MERTK: variants seen among roughly 807,000 people sequenced by gnomAD.
The protein encoded by MERTK is tyrosine-protein kinase Mer.
In MERTK, 69 loss-of-function variants were observed where a neutral mutation model predicts 99.3. The ratio of observed to expected loss-of-function variants is 0.70; its 90% CI spans 0.57 to 0.85. MERTK has a LOEUF of 0.85. MERTK is among the 40% of genes least tolerant of loss of function. The probability of loss-of-function intolerance (pLI) is 0.00; values close to 1 mark genes in which losing one functional copy is unlikely to be tolerated. For synonymous variants in MERTK, 426 were observed against 467.6 expected, an observed-to-expected ratio of 0.91 and a Z score of 1.15; for missense variants, 1,125 against 1,249.4, an observed-to-expected ratio of 0.90 and a Z score of 1.50.
At position 111,898,648 on chromosome 2, in the gene MERTK, G is replaced by A. The variant is rs903740944; in HGVS notation, c.-88G>A. ...CCGGGCCGCCCGGACAGGGAGCTTCGCTGGCGCGCTTGGCCGGCGACAGGA... is the reference window on the plus strand; with the variant it reads ...CCGGGCCGCCCGGACAGGGAGCTTCACTGGCGCGCTTGGCCGGCGACAGGA... On this transcript the variant is annotated 5_prime_UTR_variant, in exon 1 of 19. Coordinates refer to ENST00000295408, the MANE Select transcript of MERTK (RefSeq NM_006343.3). 4.7e-6 allele frequency: 7 copies of A among 1,501,780 alleles called. No homozygotes were observed. Among genetic ancestry groups the A allele is most frequent in the Non-Finnish European group, 6.4e-6 (7 of 1,101,920 alleles). 93.0% of individuals were successfully genotyped at this position (1,501,780 alleles called of 1,614,324 possible). A position where few individuals can be genotyped will look rare whatever the true frequency, so the allele number is the denominator to read the frequency against.
At chr2:111,952,834 G>C (rs1685082229) in intron 4 of MERTK, among the ~76,000 whole-genome samples, 1 of 152,204 alleles carries the variant, frequency 6.6e-6, no homozygotes. Context: ...AAAAGGCCTT[G>C]CAAGTTGGCA....
intron 6 of MERTK, among the ~76,000 whole-genome samples, chr2:111,968,989 C>T (rs1019272631): frequency 7.2e-5 from 11 of 152,190 alleles, no homozygotes; most frequent in African/African-American, 2.4e-4. Context: ...AGCGTAGCAC[C>T]TTACCCAGTG....
At chr2:111,987,224 G>A (rs1676497624) in intron 8 of MERTK, among the ~76,000 whole-genome samples, 1 of 152,158 alleles carries the variant, frequency 6.6e-6, no homozygotes, top group Admixed American at 6.5e-5. Flanking sequence ...CTTGGCAGTC[G>A]TTTTTCCTTG....
At chr2:111,995,888 A>G (rs1573628256) in intron 9 of MERTK, among the ~76,000 whole-genome samples, 1 of 152,180 alleles carries the variant, frequency 6.6e-6, no homozygotes, top group Admixed American at 6.6e-5. Flanking sequence ...TGGAGGTTGC[A>G]GTGAGCCAAG....
chr2:111,905,593 G>A (rs963621455), intron 1 of MERTK, among the ~76,000 whole-genome samples: 3 of 151,564 alleles, frequency 2.0e-5, no homozygotes, highest in Non-Finnish European at 2.9e-5. Flanking sequence ...TCAGCCTCCC[G>A]AGTAGCTGGG....
intron 18 of MERTK, 62 bp from the exon 19 acceptor site, chr2:112,028,289 A>G (rs2104429643): frequency 6.6e-7 from 1 of 1,510,266 alleles, no homozygotes; most frequent in Non-Finnish European, 9.2e-7. Context: ...AAACAAAGGC[A>G]TGGATTGCAC....
At chr2:111,973,979 A>AT (rs1676177681) in intron 6 of MERTK, among the ~76,000 whole-genome samples, 1 of 129,358 alleles carries the variant, frequency 7.7e-6, no homozygotes, top group African/African-American at 2.8e-5. Context: ...ACCCTTTGCT[A>AT]TATCTCCTCA....
intron 16 of MERTK, among the ~76,000 whole-genome samples, chr2:112,020,050 A>G (rs1573646704): frequency 1.3e-5 from 2 of 152,180 alleles, no homozygotes; most frequent in East Asian, 1.9e-4. Context: ...TCTGCTGTAA[A>G]TCTTCAAAAA....
intron 6 of MERTK, among the ~76,000 whole-genome samples, chr2:111,971,266 A>G (rs1573610586): frequency 1.3e-5 from 2 of 151,912 alleles, no homozygotes; most frequent in East Asian, 3.9e-4. Flanking sequence ...TGAATAACCA[A>G]CCTTTGATTT....
At chr2:111,998,431 G>T (rs1366577455) in intron 10 of MERTK, among the ~76,000 whole-genome samples, 1 of 152,198 alleles carries the variant, frequency 6.6e-6, no homozygotes, top group Non-Finnish European at 1.5e-5. Flanking sequence ...TAGGCACTGG[G>T]CACTGCGGTA....
chr2:111,908,978 CAA>C (rs1346520434), intron 1 of MERTK, among the ~76,000 whole-genome samples: 1 of 152,106 alleles, frequency 6.6e-6, no homozygotes, highest in Non-Finnish European at 1.5e-5. Context: ...ACATATTTCT[CAA>C]AAGAAGAAAT....
intron 8 of MERTK, 131 bp downstream of exon 8, chr2:111,983,124 G>C: frequency 1.0e-6 from 1 of 996,222 alleles, no homozygotes; most frequent in African/African-American, 1.6e-5. Flanking sequence ...ACCTTTCAGG[G>C]GAACATAAAG....
intron 4 of MERTK, among the ~76,000 whole-genome samples, chr2:111,964,689 A>G (rs376758742): frequency 6.6e-5 from 10 of 152,200 alleles, no homozygotes; most frequent in African/African-American, 2.2e-4. Context: ...CCTTGCATTT[A>G]TATGATGCAT....
intron 8 of MERTK, among the ~76,000 whole-genome samples, chr2:111,989,360 C>CTTT (rs542733750): frequency 1.4e-5 from 2 of 142,462 alleles, no homozygotes; most frequent in African/African-American, 5.2e-5. Context: ...GTTGTGAATT[C>CTTT]TTTTTTTTTT....
chr2:112,021,356 T>C, intron 16 of MERTK, 66 bp from the exon 17 acceptor site: 2 of 1,606,428 alleles, frequency 1.2e-6, no homozygotes, highest in Non-Finnish European at 1.7e-6. Flanking sequence ...CACCTGTGTC[T>C]GATACAGACC....
At chr2:111,919,440 A>G (rs960977382) in intron 1 of MERTK, among the ~76,000 whole-genome samples, 1 of 152,138 alleles carries the variant, frequency 6.6e-6, no homozygotes, top group Admixed American at 6.5e-5. Flanking sequence ...AGAAGCTTAA[A>G]AACATTTCCT....
chr2:112,027,074 G>T (rs1402336475), intron 18 of MERTK, among the ~76,000 whole-genome samples: 2 of 152,004 alleles, frequency 1.3e-5, no homozygotes, highest in Non-Finnish European at 2.9e-5. Flanking sequence ...GATCACTTGA[G>T]CCCAGGAGTT....
intron 8 of MERTK, among the ~76,000 whole-genome samples, chr2:111,988,633 A>G (rs575427108): frequency 4.6e-5 from 7 of 152,220 alleles, no homozygotes; most frequent in Non-Finnish European, 7.3e-5. Flanking sequence ...TGTGTTTTAC[A>G]TAAAGGAACT....
chr2:111,983,904 A>G lies in MERTK; in HGVS notation c.1296+911A>G, dbSNP rs973544597. Among the ~76,000 whole-genome samples, 6 of 152,356 alleles carry G rather than the reference A, an allele frequency of 3.9e-5. No homozygotes were observed. The Middle Eastern group carries it at 0.01, about 259-fold the overall frequency. ...GCCTGTGGCAGACTGCCTCTCCCAG[A>G]AAAGGTGGTACTTGAATTGGGCTTG... On this transcript the variant is annotated intron_variant, in intron 8 of 18. Coordinates refer to ENST00000295408, the MANE Select transcript of MERTK (RefSeq NM_006343.3).
Sources: gnomAD v4.1 joint callset for allele counts (sites outside exome capture counted in the v4.1 genomes callset) on GRCh38, gnomAD v4.1.1 for gene constraint, MANE v1.5 for transcripts, NCBI Gene and HGNC (gene_info 2026-07-23, HGNC 2026-07-21) for gene names.